The following RAB3C variants were observed in gnomAD, a reference collection of about 807,000 sequenced individuals.
RAB3C encodes the protein ras-related protein Rab-3C.
RAB3C carries 17 observed loss-of-function variants against 26.4 expected under a neutral mutation model. The ratio of observed to expected loss-of-function variants is 0.64; its 90% CI spans 0.44 to 0.97. RAB3C has a LOEUF of 0.97. Ranked by LOEUF, RAB3C falls within the 50% of genes least tolerant of loss-of-function variation. The pLI is 0.00. For missense variants in RAB3C, 242 were observed against 281.9 expected (o/e 0.86, Z 1.01); for synonymous variants, 91 against 95.9 (o/e 0.95, Z 0.30).
intron 3 of RAB3C, chr5:58,794,374 G>A (rs1379453500): frequency 2.6e-5 from 4 of 151,334 alleles, no homozygotes; most frequent in African/African-American, 9.7e-5. Flanking sequence ...AGAAGCTTGT[G>A]GGAACCATGA....
chr5:58,825,235 C>T (rs1446221939), intron 4 of RAB3C, 73 bp downstream of exon 4: 3 of 1,389,472 alleles, frequency 2.2e-6, no homozygotes, highest in Non-Finnish European at 2.9e-6. Context: ...AGAGTCCGAG[C>T]TAATTGTCAG....
intron 4 of RAB3C, among the ~76,000 whole-genome samples, chr5:58,834,682 C>T (rs1454725879): frequency 2.0e-5 from 3 of 152,204 alleles, no homozygotes; most frequent in Admixed American, 2.0e-4. Context: ...GCCACCCTAC[C>T]ATTATATCCC....
intron 2 of RAB3C, among the ~76,000 whole-genome samples, chr5:58,705,380 G>A (rs1326819461): frequency 1.3e-5 from 2 of 152,072 alleles, no homozygotes; most frequent in Non-Finnish European, 2.9e-5. Flanking sequence ...CTGTCTTATG[G>A]TCAGGAGTTT....
intron 2 of RAB3C, among the ~76,000 whole-genome samples, chr5:58,623,604 A>G (rs1746979230): frequency 6.6e-6 from 1 of 152,216 alleles, no homozygotes; most frequent in South Asian, 2.1e-4. Context: ...GATGCCTGAA[A>G]ACATTCACTC....
chr5:58,722,027 T>C (rs1740781639), intron 2 of RAB3C, among the ~76,000 whole-genome samples: 1 of 151,788 alleles, frequency 6.6e-6, no homozygotes, highest in Non-Finnish European at 1.5e-5. Flanking sequence ...CAGTTTCCTG[T>C]AACATTTCAA....
At chr5:58,692,976 G>T (rs1748601603) in intron 2 of RAB3C, among the ~76,000 whole-genome samples, 1 of 151,822 alleles carries the variant, frequency 6.6e-6, no homozygotes, top group Admixed American at 6.6e-5. Flanking sequence ...GAGTGTTGGT[G>T]CATGCCTGTA....
intron 3 of RAB3C, among the ~76,000 whole-genome samples, chr5:58,779,739 G>A (rs551188691): frequency 6.6e-6 from 1 of 152,126 alleles, no homozygotes; most frequent in South Asian, 2.1e-4. Context: ...ACTGAACACT[G>A]GTAGATGGTC....
Position 58,612,532 on chromosome 5 carries a change from A to ATGTATATATATATATG in RAB3C, c.25-5110_25-5109insGTATATATATATATGT, listed in dbSNP as rs1250393146. Among the ~76,000 whole-genome samples, 162 of 87,150 alleles carry ATGTATATATATATATG rather than the reference A, an allele frequency of 1.9e-3. 5 individuals carry two copies. Among genetic ancestry groups the ATGTATATATATATATG allele is most frequent in the African/African-American group, 6.6e-3 (153 of 23,350 alleles). 57.2% of individuals were successfully genotyped at this position (87,150 alleles called of 152,430 possible). ...TGTGTGTGTGTGTGTATATATATATATATATATATATATATGTATATATAT... is the reference window on the plus strand; with the variant it reads ...TGTGTGTGTGTGTGTATATATATATATGTATATATATATATGTATATATATATATATGTATATATAT... On this transcript the variant is annotated intron_variant, in intron 1 of 4. Coordinates refer to ENST00000282878, the MANE Select transcript of RAB3C (RefSeq NM_138453.4).
At chr5:58,843,447 T>C (rs1362418121) in intron 4 of RAB3C, among the ~76,000 whole-genome samples, 1 of 152,240 alleles carries the variant, frequency 6.6e-6, no homozygotes, top group African/African-American at 2.4e-5. Context: ...TATTGAAATG[T>C]TAAGAAGTTA....
intron 2 of RAB3C, among the ~76,000 whole-genome samples, chr5:58,719,230 A>T (rs1379304864): frequency 6.6e-6 from 1 of 152,062 alleles, no homozygotes; most frequent in Non-Finnish European, 1.5e-5. Context: ...ACATTAGAAT[A>T]AGAGAGAAAT....
At chr5:58,845,606 A>ATGTGTGTG (rs1196545407) in intron 4 of RAB3C, among the ~76,000 whole-genome samples, 673 of 56,534 alleles carry the variant, frequency 0.012, 24 homozygotes, top group African/African-American at 0.055. Context: ...ATATATATAT[A>ATGTGTGTG]TATATATGTG....
rs139476196 is a variant in RAB3C at position 58,765,970 on chromosome 5, G to A, written c.371+39850G>A. On this transcript the variant is annotated intron_variant, in intron 3 of 4. Transcript: ENST00000282878. ...TGCCCACTCTTCTTCCTCCTGCTCC[G>A]GCCACGTAAGATGTGCCTCCTTCCT... Among the ~76,000 whole-genome samples the A allele has an allele frequency of 6.6e-4, 101 of 152,088 alleles. 2 individuals are homozygous for A. The South Asian group carries it at 0.018, about 27-fold the overall frequency.
chr5:58,651,776 G>C (rs1414940324), intron 2 of RAB3C, among the ~76,000 whole-genome samples: 2 of 152,238 alleles, frequency 1.3e-5, no homozygotes, highest in Middle Eastern at 3.4e-3. Flanking sequence ...ACTGAGGACT[G>C]GTTCCAGGAC....
chr5:58,684,275 C>G (rs1465759328), intron 2 of RAB3C, among the ~76,000 whole-genome samples: 1 of 152,108 alleles, frequency 6.6e-6, no homozygotes, highest in African/African-American at 2.4e-5. Context: ...CATTTTATAC[C>G]AGGGACTTGA....
chr5:58,618,957 A>G (rs1267362185), intron 2 of RAB3C, among the ~76,000 whole-genome samples: 1 of 152,204 alleles, frequency 6.6e-6, no homozygotes, highest in Non-Finnish European at 1.5e-5. Context: ...GCTAAAAACA[A>G]AAAACAAACA....
chr5:58,811,562 T>C lies in RAB3C; in HGVS notation c.372-13476T>C, dbSNP rs547543684. 3.3e-5 allele frequency among the ~76,000 whole-genome samples: 5 copies of C among 152,216 alleles called. No individual in the cohort carries two copies. The South Asian group carries it at 1.0e-3, about 32-fold the overall frequency. On this transcript the variant is annotated intron_variant, in intron 3 of 4. Coordinates refer to ENST00000282878, the MANE Select transcript of RAB3C (RefSeq NM_138453.4). ...CCAAGGCCTAGGAAAGGGACAACAG[T>C]CCTCGATGAAGTCCATTACTGGGCC...
chr5:58,682,906 AAC>A (rs1748376841), intron 2 of RAB3C, among the ~76,000 whole-genome samples: 2 of 152,202 alleles, frequency 1.3e-5, no homozygotes, highest in Non-Finnish European at 2.9e-5. Context: ...GCAAAATTAT[AAC>A]ACAAAAGACT....
intron 2 of RAB3C, among the ~76,000 whole-genome samples, chr5:58,640,265 G>A (rs1421982499): frequency 6.6e-6 from 1 of 152,162 alleles, no homozygotes; most frequent in Admixed American, 6.6e-5. Flanking sequence ...ATGTCTGCCT[G>A]CTTTGGAGCT....
chr5:58,648,357 A>G (rs1041309696), intron 2 of RAB3C, among the ~76,000 whole-genome samples: 1 of 152,202 alleles, frequency 6.6e-6, no homozygotes, highest in Non-Finnish European at 1.5e-5. Context: ...CTGTGTGTGC[A>G]AAGATGAACA....
Sources: allele counts gnomAD v4.1 joint callset (sites outside exome capture counted in the v4.1 genomes callset), GRCh38; gene constraint gnomAD v4.1.1; transcripts MANE v1.5; gene names NCBI Gene and HGNC (gene_info 2026-07-23, HGNC 2026-07-21).